ACTN4: variants seen among roughly 807,000 people sequenced by gnomAD.
ACTN4 encodes the protein alpha-actinin-4.
Under a neutral mutation model 114.2 loss-of-function variants are expected in ACTN4, and 18 were observed. That is an observed-to-expected ratio of 0.16 (90% CI 0.11 to 0.23). ACTN4 has a LOEUF of 0.23. Among genes scored for constraint, ACTN4 ranks in the 10% least tolerant of loss-of-function variants. ACTN4 has a pLI of 1.00. For missense variants in ACTN4, 722 were observed against 1,262.9 expected, an observed-to-expected ratio of 0.57 and a Z score of 6.49; for synonymous variants, 515 against 506.3, an observed-to-expected ratio of 1.02 and a Z score of -0.23.
At chr19:38,653,522 C>T (rs573578776) in intron 1 of ACTN4, among the ~76,000 whole-genome samples, 77 of 152,164 alleles carry the variant, frequency 5.1e-4, no homozygotes, top group Non-Finnish European at 7.1e-4. Context: ...ATCACTTGCT[C>T]GTTCAGGTTT....
chr19:38,728,455 C>T, intron 19 of ACTN4: 1 of 1,040,458 alleles, frequency 9.6e-7, no homozygotes, highest in African/African-American at 1.6e-5. Context: ...TCCTCCCCCC[C>T]ACCTCTCCCC....
intron 1 of ACTN4, among the ~76,000 whole-genome samples, chr19:38,666,036 A>G (rs1303856744): frequency 1.3e-5 from 2 of 152,152 alleles, no homozygotes; most frequent in Non-Finnish European, 2.9e-5. Context: ...GGTGCACAGG[A>G]GCCTGTGCCC....
chr19:38,679,327 T>A (rs1967475148), intron 1 of ACTN4, among the ~76,000 whole-genome samples: 1 of 152,060 alleles, frequency 6.6e-6, no homozygotes, highest in African/African-American at 2.4e-5. Flanking sequence ...ACCTCCAGTG[T>A]GCCCGGCACT....
At chr19:38,716,721 C>T (rs1389976817) in intron 9 of ACTN4, among the ~76,000 whole-genome samples, 10 of 152,202 alleles carry the variant, frequency 6.6e-5, no homozygotes, top group African/African-American at 2.4e-4. Context: ...CCTGTAGTCC[C>T]AACTACTTGG....
Position 38,717,259 on chromosome 19 carries a change from C to G in ACTN4, c.1086C>G (p.Thr362=), listed in dbSNP as rs1384367535. 1 of 1,614,064 alleles carries G rather than the reference C, an allele frequency of 6.2e-7. No homozygotes were observed. Among genetic ancestry groups the G allele is most frequent in the South Asian group, 1.1e-5 (1 of 91,074 alleles). Residue 362 remains threonine (T), a synonymous_variant, in exon 10 of 21, where the codon ACC becomes ACG. Transcript: ENST00000252699. This position sits in a 1 kb window ranked among gnomAD's most constrained non-coding sequence, Gnocchi z 4.0. ...QLEINFNTLQ[T]KLRLSNRPAF... is the part of the protein sequence containing the mutation. ...AGATCAACTTCAACACGCTGCAGAC[C>G]AAGCTGCGCCTCAGCAACCGGCCCG... is the stretch of plus-strand genomic sequence containing the variant.
chr19:38,654,716 C>T (rs1976665423), intron 1 of ACTN4, among the ~76,000 whole-genome samples: 1 of 151,952 alleles, frequency 6.6e-6, no homozygotes, highest in African/African-American at 2.4e-5. Flanking sequence ...GGTGTTGTGC[C>T]TTTTTTTGGT....
chr19:38,706,895 T>C (rs1394906332), intron 5 of ACTN4, among the ~76,000 whole-genome samples: 3 of 152,234 alleles, frequency 2.0e-5, no homozygotes, highest in African/African-American at 7.2e-5. Context: ...TCCCCGTAGC[T>C]GAGGCGAGCA....
At chr19:38,679,797 A>G (rs902347051) in intron 1 of ACTN4, among the ~76,000 whole-genome samples, 1 of 152,048 alleles carries the variant, frequency 6.6e-6, no homozygotes, top group Non-Finnish European at 1.5e-5. Context: ...CACCCGGCCA[A>G]TGTATGTATT....
At chr19:38,715,071 T>C (rs1354386965) in intron 9 of ACTN4, among the ~76,000 whole-genome samples, 3 of 152,134 alleles carry the variant, frequency 2.0e-5, no homozygotes, top group Non-Finnish European at 4.4e-5. Context: ...GTTACATGAC[T>C]AGTGGGACAG....
chr19:38,665,197 G>A (rs537398483), intron 1 of ACTN4, among the ~76,000 whole-genome samples: 2 of 152,302 alleles, frequency 1.3e-5, no homozygotes, highest in African/African-American at 4.8e-5. Context: ...GTAGTGAAAG[G>A]TGTCAGTGGC....
At position 38,723,686 on chromosome 19, in the gene ACTN4, C is replaced by T. The variant is rs147922933; in HGVS notation, c.1515C>T (p.Leu505=). 127 of 1,613,054 alleles carry T rather than the reference C, an allele frequency of 7.9e-5. No homozygotes were observed. In the African/African-American group the frequency reaches 1.1e-3, roughly 13 times the overall value. The change falls in exon 13 of 21, where the codon CTC becomes CTT. Residue 505 remains leucine, a synonymous_variant. Transcript: ENST00000252699. The stretch of plus-strand genomic sequence containing the variant: ...AGATCTGTGACCAGTGGGACGCCCT[C>T]GGCTCTCTGACACATAGTCGCAGGG... ...CQKICDQWDA[L]GSLTHSRREA... is the part of the protein sequence containing the mutation.
At chr19:38,721,849 G>C in intron 12 of ACTN4, 161 bp downstream of exon 12, 1 of 1,049,130 alleles carries the variant, frequency 9.5e-7, no homozygotes, top group Non-Finnish European at 1.4e-6. Flanking sequence ...GGGCCTTATG[G>C]GATGAGGCCT....
chr19:38,709,061 T>C (rs941605328), intron 6 of ACTN4, among the ~76,000 whole-genome samples: 1 of 152,098 alleles, frequency 6.6e-6, no homozygotes, highest in Non-Finnish European at 1.5e-5. Flanking sequence ...GCCCACATCT[T>C]CCAGTCAATG....
In ACTN4 at chr19:38,731,481, C is replaced by A. The variant is rs980342621; in HGVS notation, c.*2049C>A. On this transcript the variant is annotated 3_prime_UTR_variant, in exon 21 of 21. Coordinates refer to ENST00000252699, the MANE Select transcript of ACTN4 (RefSeq NM_004924.6). ...GCTCAGGACAGCGTCTGACACGTGA[C>A]TCGATGTGTGGGTACTGTTACTCCT... The A allele has an allele frequency of 1.8e-6, 1 of 541,578 alleles. No individual in the cohort carries two copies. Among genetic ancestry groups the A allele is most frequent in the Non-Finnish European group, 3.4e-6 (1 of 298,496 alleles). 33.5% of individuals were successfully genotyped at this position (541,578 alleles called of 1,614,324 possible). A position where few individuals can be genotyped will look rare whatever the true frequency, so the allele number is the denominator to read the frequency against.
intron 13 of ACTN4, 102 bp from the exon 14 acceptor site, chr19:38,723,835 T>C: frequency 6.7e-7 from 1 of 1,482,600 alleles, no homozygotes; most frequent in Non-Finnish European, 9.3e-7. Flanking sequence ...GGAGAGGATG[T>C]TCTCTGACTC....
intron 1 of ACTN4, among the ~76,000 whole-genome samples, chr19:38,685,284 G>A (rs1373768819): frequency 6.6e-6 from 1 of 152,164 alleles, no homozygotes; most frequent in African/African-American, 2.4e-5. Context: ...CCTAGTGCTT[G>A]GGAGCCAACA....
At chr19:38,648,043 G>A (rs1976440870) in intron 1 of ACTN4, 136 bp downstream of exon 1, 1 of 1,115,142 alleles carries the variant, frequency 9.0e-7, no homozygotes, top group Non-Finnish European at 1.2e-6. Flanking sequence ...GCGGGTCCGG[G>A]AAGGGAATTG....
chr19:38,676,817 T>C (rs537347564), intron 1 of ACTN4, among the ~76,000 whole-genome samples: 3 of 152,302 alleles, frequency 2.0e-5, no homozygotes, highest in East Asian at 1.9e-4. Flanking sequence ...GCCCAGGTGC[T>C]GATGCCAAGT....
At chr19:38,702,413 G>T (rs981814336) in intron 3 of ACTN4, among the ~76,000 whole-genome samples, 2 of 152,100 alleles carry the variant, frequency 1.3e-5, no homozygotes, top group South Asian at 2.1e-4. Context: ...TTGGCTTCCC[G>T]TGGGGGTGAT....
Sources: allele counts gnomAD v4.1 joint callset (sites outside exome capture counted in the v4.1 genomes callset), GRCh38; gene constraint gnomAD v4.1.1; non-coding constraint Gnocchi (gnomAD v3.1); transcripts MANE v1.5; gene names NCBI Gene and HGNC (gene_info 2026-07-23, HGNC 2026-07-21).